The following CHMP7 variants were observed in gnomAD, a reference collection of about 807,000 sequenced individuals.
CHMP7 encodes CHMP family, member 7.
In CHMP7, 15 loss-of-function variants were observed where a neutral mutation model predicts 53.7. That is an observed-to-expected ratio of 0.28 (90% confidence interval 0.19 to 0.43). The LOEUF (loss-of-function observed/expected upper bound fraction) is 0.43. Among genes scored for constraint, CHMP7 ranks in the 20% least tolerant of loss-of-function variants. The probability of loss-of-function intolerance (pLI) is 1.00; values close to 1 mark genes in which losing one functional copy is unlikely to be tolerated. For missense variants in CHMP7, 527 were observed against 569.4 expected, an observed-to-expected ratio of 0.93 and a Z score of 0.76; for synonymous variants, 261 against 228.0, an observed-to-expected ratio of 1.14 and a Z score of -1.30.
At chr8:23,255,166 T>C (rs2128858969) in intron 3 of CHMP7, 81 bp from the exon 4 acceptor site, 1 of 1,456,762 alleles carries the variant, frequency 6.9e-7, no homozygotes, top group Non-Finnish European at 9.5e-7. Context: ...TGTGTGATCA[T>C]GGTTTTGAAA....
chr8:23,260,351 G>T (rs200674667), intron 10 of CHMP7, 28 bp downstream of exon 10: 1 of 1,611,864 alleles, frequency 6.2e-7, no homozygotes, highest in African/African-American at 1.3e-5. Context: ...AAGGCCTTTG[G>T]AGGGCATATG....
intron 3 of CHMP7, among the ~76,000 whole-genome samples, chr8:23,251,369 T>C (rs925789638): frequency 3.9e-5 from 6 of 152,242 alleles, no homozygotes; most frequent in African/African-American, 1.2e-4. Flanking sequence ...TTTCTCTCTT[T>C]GGGTACTCTC....
intron 3 of CHMP7, among the ~76,000 whole-genome samples, chr8:23,250,901 C>G (rs571428653): frequency 6.6e-6 from 1 of 152,260 alleles, no homozygotes; most frequent in African/African-American, 2.4e-5. Flanking sequence ...CAATCTCTCC[C>G]TGTCTCCCAG....
At chr8:23,260,501 T>C in intron 10 of CHMP7, 37 bp from the exon 11 acceptor site, 2 of 1,603,596 alleles carry the variant, frequency 1.2e-6, no homozygotes, top group African/African-American at 1.3e-5. Context: ...TTCAAGATTT[T>C]CCTGTTATAG....
intron 3 of CHMP7, among the ~76,000 whole-genome samples, chr8:23,250,907 C>G (rs1472826226): frequency 3.9e-5 from 6 of 152,136 alleles, no homozygotes; most frequent in African/African-American, 1.4e-4. Flanking sequence ...CTCCCTGTCT[C>G]CCAGGATTGT....
At chr8:23,259,316 CTGCCACTA>C (rs1366104680) in intron 9 of CHMP7, among the ~76,000 whole-genome samples, 190 bp downstream of exon 9, 3 of 149,710 alleles carry the variant, frequency 2.0e-5, no homozygotes, top group Non-Finnish European at 4.5e-5. Flanking sequence ...CTACAGGCGC[CTGCCACTA>C]TGCCCGGCTA....
intron 3 of CHMP7, 37 bp downstream of exon 3, chr8:23,249,418 G>C: frequency 6.6e-7 from 1 of 1,521,974 alleles, no homozygotes; most frequent in South Asian, 1.3e-5. Context: ...GTGTCACCTG[G>C]TGTGATCACA....
intron 1 of CHMP7, 194 bp from the exon 2 acceptor site, chr8:23,246,062 G>A (rs983622025): frequency 6.6e-6 from 1 of 151,974 alleles, no homozygotes; most frequent in African/African-American, 2.4e-5. Flanking sequence ...TCAGCTTTAG[G>A]TTTTGTTGAT....
intron 6 of CHMP7, 72 bp downstream of exon 6, chr8:23,258,153 G>C (rs1802212513): frequency 8.2e-6 from 12 of 1,472,332 alleles, no homozygotes; most frequent in Non-Finnish European, 1.1e-5. Context: ...GCAGTTCAGA[G>C]AGCAGCTTGC....
Position 23,261,884 on chromosome 8 carries a change from C to G in CHMP7, c.*1285C>G, listed in dbSNP as rs556830458. ...CAGGCCAGGAGCACAAATCGTTGTT[C>G]AATGAATTTCTCTCCAACTCGACCT... On this transcript the variant is annotated 3_prime_UTR_variant, in exon 11 of 11. Transcript: ENST00000397677. The G allele has an allele frequency of 6.5e-6, 1 of 152,740 alleles. No homozygotes were observed. Among genetic ancestry groups the G allele is most frequent in the East Asian group, 1.9e-4 (1 of 5,178 alleles). The allele number at this position is 152,740 out of a possible 1,614,324, so 9.5% of individuals were successfully genotyped here.
chr8:23,245,335 A>G (rs1801648197), intron 1 of CHMP7, among the ~76,000 whole-genome samples: 1 of 152,212 alleles, frequency 6.6e-6, no homozygotes, highest in Non-Finnish European at 1.5e-5. Flanking sequence ...ACTTTTTATC[A>G]TGAGCTGGTG....
chr8:23,259,605 G>A (rs990521485), intron 9 of CHMP7, among the ~76,000 whole-genome samples: 15 of 152,190 alleles, frequency 9.9e-5, no homozygotes, highest in South Asian at 2.1e-4. Context: ...TGATCCGCCG[G>A]CCTCGGCCTC....
Position 23,255,395 on chromosome 8 carries a change from A to G in CHMP7, c.620A>G (p.Glu207Gly). Residue 207 changes from glutamate to glycine, a missense_variant, in exon 4 of 11, where the codon GAG (glutamate) becomes GGG (glycine). Physicochemically the swap from Glu to Gly is moderately conservative, Grantham distance 98. Transcript: ENST00000397677. ...FYLVLLQLQK[E>G]KRVTVLEQNG... is the part of the protein sequence containing the mutation. ...TTGGTGTTGCTGCAGCTGCAGAAGG[A>G]GAAGAGGGTCACAGTCCTCGAGCAG... 1 of 1,614,192 alleles carries G rather than the reference A, an allele frequency of 6.2e-7. No individual in the cohort carries two copies. Among genetic ancestry groups the G allele is most frequent in the Non-Finnish European group, 8.5e-7 (1 of 1,180,026 alleles).
At chr8:23,258,922 C>T (rs1266759662) in intron 8 of CHMP7, 92 bp downstream of exon 8, 7 of 1,046,476 alleles carry the variant, frequency 6.7e-6, no homozygotes, top group Admixed American at 1.7e-5. Context: ...CGAAACCTGA[C>T]TTGTGACCTT....
Position 23,255,332 on chromosome 8 carries a change from T to A in CHMP7, c.557T>A (p.Leu186His). The A allele has an allele frequency of 9.3e-6, 15 of 1,614,186 alleles. No individual in the cohort carries two copies. Among genetic ancestry groups the A allele is most frequent in the Non-Finnish European group, 1.2e-5 (14 of 1,180,010 alleles). ...GTGGCCCTGTCAGAGCTCAGCACCC[T>A]CTGTGCTAACTCCTGCCCAGATGAG... The part of the protein sequence containing the change: ...PVVALSELST[L>H]CANSCPDERT... The change falls in exon 4 of 11, where the codon CTC (leucine) becomes CAC (histidine). Residue 186 changes from leucine (L) to histidine (H), a missense_variant. By Grantham distance (99) the Leu-to-His change is moderately conservative (BLOSUM62 -3). Transcript: ENST00000397677.
intron 3 of CHMP7, among the ~76,000 whole-genome samples, chr8:23,252,934 T>C (rs1801988296): frequency 6.6e-6 from 1 of 152,220 alleles, no homozygotes; most frequent in Non-Finnish European, 1.5e-5. Context: ...GTCAAATCAA[T>C]GAAAACTCGA....
At chr8:23,249,679 T>C (rs999201074) in intron 3 of CHMP7, among the ~76,000 whole-genome samples, 3 of 152,198 alleles carry the variant, frequency 2.0e-5, no homozygotes, top group African/African-American at 4.8e-5. Context: ...TTCTGTAGTT[T>C]ACTGACAAGA....
chr8:23,257,714 G>A (rs1427095035), intron 5 of CHMP7, among the ~76,000 whole-genome samples: 1 of 152,202 alleles, frequency 6.6e-6, no homozygotes, highest in African/African-American at 2.4e-5. Flanking sequence ...ATATGTCCGA[G>A]GTCATTGTTG....
intron 4 of CHMP7, among the ~76,000 whole-genome samples, chr8:23,256,143 C>T (rs1210097362): frequency 6.6e-6 from 1 of 152,132 alleles, no homozygotes; most frequent in Non-Finnish European, 1.5e-5. Context: ...TCAAGTGCTT[C>T]CTTTAAGTGA....
Sources: allele counts gnomAD v4.1 joint callset (sites outside exome capture counted in the v4.1 genomes callset), GRCh38; gene constraint gnomAD v4.1.1; transcripts MANE v1.5; gene names NCBI Gene and HGNC (gene_info 2026-07-23, HGNC 2026-07-21).